Variants in LOXHD1 observed in about 807,000 individuals in gnomAD.
The protein encoded by LOXHD1 is lipoxygenase homology domain-containing protein 1.
In LOXHD1, 205 loss-of-function variants were observed where a neutral mutation model predicts 248.2. The ratio of observed to expected loss-of-function variants is 0.83; its 90% CI spans 0.74 to 0.93. The LOEUF (loss-of-function observed/expected upper bound fraction) is 0.93. Among genes scored for constraint, LOXHD1 ranks in the 40% least tolerant of loss-of-function variants. The pLI, the probability that LOXHD1 is intolerant of heterozygous loss-of-function variation, is 0.00. For missense variants in LOXHD1, 2,930 were observed against 2,971.6 expected (o/e 0.99, Z 0.33); for synonymous variants, 1,113 against 1,162.8 (o/e 0.96, Z 0.87).
chr18:46,546,800 G>A, intron 22 of LOXHD1, 95 bp downstream of exon 22: 1 of 1,377,608 alleles, frequency 7.3e-7, no homozygotes, highest in Non-Finnish European at 9.8e-7. Context: ...AGTTCCCAGA[G>A]CCCACAGGGG....
intron 17 of LOXHD1, among the ~76,000 whole-genome samples, chr18:46,565,279 GT>G (rs1178675434): frequency 2.6e-5 from 4 of 151,778 alleles, no homozygotes; most frequent in Admixed American, 6.6e-5. Flanking sequence ...AAATGCAGAG[GT>G]GAGAAGGGAC....
chr18:46,503,254 C>T (rs773494018), intron 37 of LOXHD1, among the ~76,000 whole-genome samples: 1 of 152,152 alleles, frequency 6.6e-6, no homozygotes, highest in African/African-American at 2.4e-5. Flanking sequence ...TCCTAAACAA[C>T]GGTTTAGGCA....
intron 1 of LOXHD1, among the ~76,000 whole-genome samples, chr18:46,649,590 T>A (rs1226162692): frequency 7.2e-5 from 11 of 152,128 alleles, no homozygotes; most frequent in Admixed American, 7.2e-4. Context: ...CACAACACAC[T>A]GATACCCTCC....
At chr18:46,533,723 A>G (rs1411343796) in intron 27 of LOXHD1, 1 of 338,220 alleles carries the variant, frequency 3.0e-6, no homozygotes, top group East Asian at 1.0e-4. Flanking sequence ...CAGGATTTCA[A>G]GACCAGCTTG....
In LOXHD1 at chr18:46,477,733, C is replaced by T. The variant is rs892775507; in HGVS notation, c.6561G>A (p.Lys2187=). ...TIFGANGDTG[K]RELKQKMRNL... ...TGCGCATTTTCTGCTTCAGCTCCCG[C>T]TTGCCTGTGTCTCCGTTGGCCCCAA... The change falls in exon 41 of 41, where the codon AAG becomes AAA. Residue 2187 remains lysine (K), a synonymous_variant. Coordinates refer to ENST00000642948, the MANE Select transcript of LOXHD1 (RefSeq NM_001384474.1). 4 of 1,551,962 alleles carry T rather than the reference C, an allele frequency of 2.6e-6. No individual in the cohort carries two copies. The Admixed American group carries it at 7.8e-5, about 30-fold the overall frequency.
At chr18:46,495,443 C>A (rs1357283298) in intron 37 of LOXHD1, among the ~76,000 whole-genome samples, 1 of 127,866 alleles carries the variant, frequency 7.8e-6, no homozygotes, top group Non-Finnish European at 1.8e-5. Flanking sequence ...TAGAAAATCA[C>A]CATTTGTAAC....
Position 46,592,579 on chromosome 18 carries a change from C to G in LOXHD1, c.1437G>C (p.Glu479Asp). Residue 479 changes from glutamate (E) to aspartate (D), a missense_variant, in exon 11 of 41, where the codon GAG becomes GAC. Transcript: ENST00000642948. ...TATAAAACCTGCCAAGATCCGGGAGCTCAATCTATGGTGAGAAATAAAAAC... is the reference window on the plus strand; with the variant it reads ...TATAAAACCTGCCAAGATCCGGGAGGTCAATCTATGGTGAGAAATAAAAAC... ...KPGIIEKFRIELPDLGRFYKI... is the reference protein window; with the variant it reads ...KPGIIEKFRIDLPDLGRFYKI... 1 of 1,551,288 alleles carries G rather than the reference C, an allele frequency of 6.4e-7. No individual in the cohort carries two copies.
intron 13 of LOXHD1, 54 bp downstream of exon 13, chr18:46,579,576 A>T (rs2037922885): frequency 1.9e-6 from 3 of 1,549,534 alleles, no homozygotes; most frequent in Non-Finnish European, 2.6e-6. Flanking sequence ...ACGAGGGAAC[A>T]TGGGAAGGGA....
At chr18:46,497,317 G>A (rs180875094) in intron 37 of LOXHD1, among the ~76,000 whole-genome samples, 27 of 152,262 alleles carry the variant, frequency 1.8e-4, no homozygotes, top group African/African-American at 6.3e-4. Context: ...GGTTGGAGTG[G>A]TTTAGAGCTG....
chr18:46,508,860 C>A (rs1430964465), intron 35 of LOXHD1, among the ~76,000 whole-genome samples: 2 of 152,182 alleles, frequency 1.3e-5, no homozygotes, highest in East Asian at 3.9e-4. Flanking sequence ...TGGTTCTCAT[C>A]AAAATGAGTG....
At chr18:46,591,839 A>G in intron 12 of LOXHD1, 94 bp downstream of exon 12, 1 of 1,464,224 alleles carries the variant, frequency 6.8e-7, no homozygotes, top group Non-Finnish European at 9.3e-7. Flanking sequence ...GAAGATGCAA[A>G]GCAGACAAGA....
intron 15 of LOXHD1, among the ~76,000 whole-genome samples, chr18:46,570,838 G>A (rs541055264): frequency 4.6e-4 from 70 of 152,342 alleles, no homozygotes; most frequent in African/African-American, 8.9e-4. Context: ...ACATGCGTGC[G>A]GGCTGTGGGT....
At chr18:46,594,591 C>T in intron 8 of LOXHD1, 125 bp from the exon 9 acceptor site, 2 of 1,100,698 alleles carry the variant, frequency 1.8e-6, no homozygotes, top group African/African-American at 1.6e-5. Flanking sequence ...GGAATGGCAC[C>T]TTTTCTGTTG....
chr18:46,584,001 A>G (rs552500021), intron 12 of LOXHD1, among the ~76,000 whole-genome samples: 1 of 152,314 alleles, frequency 6.6e-6, no homozygotes, highest in Non-Finnish European at 1.5e-5. Context: ...ACACAATGCA[A>G]TACGATTCAG....
chr18:46,589,334 G>A lies in LOXHD1; in HGVS notation c.1654+2599C>T, dbSNP rs115107820. ...CCTGCTCTTTCTACCCAATAAATAC[G>A]AAGGGCTGTGAAAGGTCAAGGCCCT... On this transcript the variant is annotated intron_variant, in intron 12 of 40. Transcript: ENST00000642948. Among the ~76,000 whole-genome samples, 1,275 of 152,178 alleles carry A rather than the reference G, an allele frequency of 8.4e-3. 29 individuals carry two copies. Among genetic ancestry groups the A allele is most frequent in the African/African-American group, 0.03 (1,229 of 41,504 alleles).
At chr18:46,522,906 T>C (rs985733714) in intron 31 of LOXHD1, among the ~76,000 whole-genome samples, 1 of 152,140 alleles carries the variant, frequency 6.6e-6, no homozygotes, top group Non-Finnish European at 1.5e-5. Context: ...GGTTATGACA[T>C]GGAAGGAGAC....
At chr18:46,530,041 A>G (rs2035994396) in intron 28 of LOXHD1, among the ~76,000 whole-genome samples, 2 of 152,210 alleles carry the variant, frequency 1.3e-5, no homozygotes, top group South Asian at 4.1e-4. Flanking sequence ...GGAAAAATAA[A>G]ACATCTCCTT....
At chr18:46,562,310 C>T (rs1000605323) in intron 18 of LOXHD1, among the ~76,000 whole-genome samples, 7 of 152,316 alleles carry the variant, frequency 4.6e-5, no homozygotes, top group East Asian at 3.9e-4. Flanking sequence ...CTAAGGTGCT[C>T]CTGGCATGCA....
At chr18:46,577,457 T>G (rs328168) in intron 14 of LOXHD1, among the ~76,000 whole-genome samples, 120,686 of 152,122 alleles carry the variant, frequency 0.79, 48,443 homozygotes, top group Non-Finnish European at 0.86. Flanking sequence ...CCACATTTTG[T>G]TGCTTAAATA....
Sources: allele counts gnomAD v4.1 joint callset (sites outside exome capture counted in the v4.1 genomes callset), GRCh38; gene constraint gnomAD v4.1.1; transcripts MANE v1.5; gene names NCBI Gene and HGNC (gene_info 2026-07-23, HGNC 2026-07-21).